The following PDSS2 variants were observed in gnomAD, a reference collection of about 807,000 sequenced individuals.
PDSS2 encodes decaprenyl diphosphate synthase subunit 2.
A neutral mutation model predicts 44.5 loss-of-function variants in PDSS2; 31 were observed. That is an observed-to-expected ratio of 0.70 (90% CI 0.52 to 0.94). The LOEUF is 0.94. PDSS2 is among the 40% of genes least tolerant of loss of function. PDSS2 has a pLI of 0.00. For synonymous variants in PDSS2, 157 were observed against 180.3 expected, an observed-to-expected ratio of 0.87 and a Z score of 1.03; for missense variants, 452 against 482.2, an observed-to-expected ratio of 0.94 and a Z score of 0.59.
chr6:107,417,496 C>T (rs1240678980), intron 1 of PDSS2, among the ~76,000 whole-genome samples: 4 of 152,172 alleles, frequency 2.6e-5, no homozygotes, highest in African/African-American at 7.2e-5. Context: ...CAGTGACTCA[C>T]GCCTGTAATC....
intron 7 of PDSS2, among the ~76,000 whole-genome samples, chr6:107,193,618 T>C (rs548213688): frequency 3.3e-5 from 5 of 152,288 alleles, no homozygotes; most frequent in Admixed American, 1.3e-4. Flanking sequence ...CCTAATACAA[T>C]GTCTGGAATG....
chr6:107,290,013 C>T (rs901819370), intron 2 of PDSS2, among the ~76,000 whole-genome samples: 1 of 152,180 alleles, frequency 6.6e-6, no homozygotes, highest in African/African-American at 2.4e-5. Context: ...CAGGCTCAAA[C>T]TCCTGGCCTT....
At chr6:107,287,242 T>C (rs1776184986) in intron 2 of PDSS2, among the ~76,000 whole-genome samples, 1 of 152,228 alleles carries the variant, frequency 6.6e-6, no homozygotes, top group Admixed American at 6.5e-5. Context: ...CAAAACTAAA[T>C]TGAATTGGAA....
At chr6:107,324,151 CTT>C (rs1290244698) in intron 2 of PDSS2, among the ~76,000 whole-genome samples, 1 of 152,092 alleles carries the variant, frequency 6.6e-6, no homozygotes, top group African/African-American at 2.4e-5. Context: ...ACAATAAAAA[CTT>C]AATGAAGAAA....
chr6:107,241,906 C>T (rs1477140326), intron 4 of PDSS2, among the ~76,000 whole-genome samples: 1 of 152,030 alleles, frequency 6.6e-6, no homozygotes, highest in Non-Finnish European at 1.5e-5. Flanking sequence ...CTAAATTGGC[C>T]CAAGGCTACG....
In PDSS2 at chr6:107,197,480, CAA is replaced by C. The variant is rs1211356401; in HGVS notation, c.1009-3628_1009-3627del. On this transcript the variant is annotated intron_variant, in intron 6 of 7. Transcript: ENST00000369037. The stretch of plus-strand genomic sequence containing the variant: ...AGGCAACAAAGTGAGACCCCCATCT[CAA>C]AAAAAAAAAAAAAAAAAAAAGAAGT... 4.7e-3 allele frequency among the ~76,000 whole-genome samples: 390 copies of C among 82,402 alleles called. 1 individual carries two copies. The highest frequency in any genetic ancestry group is 0.014 in the African/African-American group (308 of 22,684). The allele number at this position is 82,402 out of a possible 152,430, so 54.1% of individuals were successfully genotyped here.
At chr6:107,349,394 C>A (rs1189749299) in intron 1 of PDSS2, among the ~76,000 whole-genome samples, 2 of 149,776 alleles carry the variant, frequency 1.3e-5, no homozygotes, top group African/African-American at 2.5e-5. Context: ...GATCGCGCCA[C>A]TGCACTCCAG....
At chr6:107,440,973 T>C (rs534834200) in intron 1 of PDSS2, among the ~76,000 whole-genome samples, 2 of 152,370 alleles carry the variant, frequency 1.3e-5, no homozygotes, top group Admixed American at 6.5e-5. Flanking sequence ...TTGGTATTAG[T>C]GATTGTGACA....
intron 1 of PDSS2, among the ~76,000 whole-genome samples, chr6:107,447,981 G>A (rs143283112): frequency 6.6e-6 from 1 of 152,330 alleles, no homozygotes; most frequent in East Asian, 1.9e-4. Flanking sequence ...CCAAGGCTTG[G>A]GGCTTGCACC....
chr6:107,459,252 G>C lies in PDSS2; in HGVS notation c.34C>G (p.Arg12Gly), dbSNP rs769947770. The change falls in exon 1 of 8, where the codon CGT becomes GGT. Residue 12 changes from arginine (R) to glycine (G), a missense_variant. By Grantham distance (125) the Arg-to-Gly change is moderately radical. Coordinates refer to ENST00000369037, the MANE Select transcript of PDSS2 (RefSeq NM_020381.4). The surrounding 1 kb of genome is among the most constrained non-coding windows in gnomAD (Gnocchi z 4.3). ...NFRQLLLHLPRYLGASGSPRR... is the reference protein window; with the variant it reads ...NFRQLLLHLPGYLGASGSPRR... ...GGGGAACCCGAGGCTCCAAGATAACGTGGCAAGTGCAACAGCAGCTGCCGA... is the reference window on the plus strand; with the variant it reads ...GGGGAACCCGAGGCTCCAAGATAACCTGGCAAGTGCAACAGCAGCTGCCGA... 6.2e-7 allele frequency: 1 copy of C among 1,614,156 alleles called. No homozygotes were observed.
intron 4 of PDSS2, among the ~76,000 whole-genome samples, chr6:107,229,334 G>A (rs1260155193): frequency 6.6e-6 from 1 of 151,960 alleles, no homozygotes; most frequent in Non-Finnish European, 1.5e-5. Flanking sequence ...TTACAGGCGT[G>A]CACCACCATG....
chr6:107,403,755 G>A (rs1306677456), intron 1 of PDSS2, among the ~76,000 whole-genome samples: 1 of 152,174 alleles, frequency 6.6e-6, no homozygotes, highest in Admixed American at 6.5e-5. Context: ...GGGATGCAGG[G>A]CACCATTTCC....
intron 7 of PDSS2, among the ~76,000 whole-genome samples, chr6:107,176,802 T>A (rs1004720419): frequency 1.3e-5 from 2 of 152,224 alleles, no homozygotes; most frequent in African/African-American, 2.4e-5. Flanking sequence ...AAAATATATC[T>A]ACATCATATA....
intron 2 of PDSS2, among the ~76,000 whole-genome samples, chr6:107,296,351 TGA>T: frequency 6.6e-6 from 1 of 152,202 alleles, no homozygotes; most frequent in Non-Finnish European, 1.5e-5. Context: ...CTTTGAAGCA[TGA>T]GTATGAAAGA....
In PDSS2 at chr6:107,432,259, G is replaced by A. The variant is rs928313885; in HGVS notation, c.296+26731C>T. Among the ~76,000 whole-genome samples, 9 of 152,094 alleles carry A rather than the reference G, an allele frequency of 5.9e-5. 1 individual carries two copies. In the South Asian group the frequency reaches 8.3e-4, roughly 14 times the overall value. ...GGAAAGTAAACCATCAACATCTCAGGATTATCCTCTTTGGATCAAGAGACA... is the reference window on the plus strand; with the variant it reads ...GGAAAGTAAACCATCAACATCTCAGAATTATCCTCTTTGGATCAAGAGACA... On this transcript the variant is annotated intron_variant, in intron 1 of 7. Coordinates refer to ENST00000369037, the MANE Select transcript of PDSS2 (RefSeq NM_020381.4).
Position 107,266,049 on chromosome 6 carries a change from A to C in PDSS2, c.630+7980T>G, listed in dbSNP as rs372138134. ...AAAAACCATAGTTACTATTATACTT[A>C]ATCAACTTAAGCTTCTGGGAGCTCA... On this transcript the variant is annotated intron_variant, in intron 3 of 7. Transcript: ENST00000369037. 1.1e-4 allele frequency among the ~76,000 whole-genome samples: 17 copies of C among 152,216 alleles called. No individual in the cohort carries two copies. In the East Asian group the frequency reaches 1.7e-3, roughly 15 times the overall value.
At chr6:107,432,959 C>T (rs1422811533) in intron 1 of PDSS2, among the ~76,000 whole-genome samples, 1 of 152,104 alleles carries the variant, frequency 6.6e-6, no homozygotes, top group Non-Finnish European at 1.5e-5. Flanking sequence ...ACCCCAATAA[C>T]CACAATTCTA....
chr6:107,316,484 T>C (rs1369557831), intron 2 of PDSS2, among the ~76,000 whole-genome samples: 2 of 152,204 alleles, frequency 1.3e-5, no homozygotes, highest in African/African-American at 4.8e-5. Context: ...TATATTCTAG[T>C]ACAGCTATTA....
intron 2 of PDSS2, among the ~76,000 whole-genome samples, chr6:107,277,978 A>T (rs548646416): frequency 5.1e-4 from 77 of 150,584 alleles, no homozygotes; most frequent in African/African-American, 1.5e-3. Flanking sequence ...ATGAATAAAT[A>T]AAATAAATAA....
Sources: gnomAD v4.1 joint callset for allele counts (sites outside exome capture counted in the v4.1 genomes callset) on GRCh38, gnomAD v4.1.1 for gene constraint, Gnocchi (gnomAD v3.1) non-coding constraint, MANE v1.5 for transcripts, NCBI Gene and HGNC (gene_info 2026-07-23, HGNC 2026-07-21) for gene names.